The following HS2ST1 variants were observed in gnomAD, a reference collection of about 807,000 sequenced individuals.
HS2ST1 encodes 2-O-sulfotransferase.
Under a neutral mutation model 42.9 loss-of-function variants are expected in HS2ST1, and 18 were observed. That is an observed-to-expected ratio of 0.42 (90% confidence interval 0.29 to 0.62). The LOEUF (loss-of-function observed/expected upper bound fraction) is 0.62, where lower values mean the gene tolerates loss of function less well. Among genes scored for constraint, HS2ST1 ranks in the 20% least tolerant of loss-of-function variants. The pLI, the probability that HS2ST1 is intolerant of heterozygous loss-of-function variation, is 0.21. For synonymous variants in HS2ST1, 146 were observed against 152.9 expected (o/e 0.95, Z 0.33); for missense variants, 334 against 433.8 (o/e 0.77, Z 2.04).
At chr1:87,015,487 C>T (rs1033980525) in intron 1 of HS2ST1, among the ~76,000 whole-genome samples, 1 of 151,680 alleles carries the variant, frequency 6.6e-6, no homozygotes, top group East Asian at 2.0e-4. Context: ...GCTGGGACTA[C>T]AGGTGCCCCA....
At chr1:86,955,324 A>G (rs1012461547) in intron 1 of HS2ST1, among the ~76,000 whole-genome samples, 3 of 152,162 alleles carry the variant, frequency 2.0e-5, no homozygotes, top group Non-Finnish European at 4.4e-5. Flanking sequence ...CAGCATTAGC[A>G]CCTGGCAGTG....
chr1:87,025,734 C>T (rs1422531173), intron 1 of HS2ST1, among the ~76,000 whole-genome samples: 1 of 152,158 alleles, frequency 6.6e-6, no homozygotes, highest in African/African-American at 2.4e-5. Context: ...CTTTTCTCCC[C>T]ACAACCCCCA....
At chr1:87,078,472 G>A (rs1016311327) in intron 2 of HS2ST1, among the ~76,000 whole-genome samples, 3 of 152,118 alleles carry the variant, frequency 2.0e-5, no homozygotes, top group South Asian at 2.1e-4. Flanking sequence ...GGCTAGCTGC[G>A]TTTCATGTAC....
chr1:87,059,598 A>G (rs1185801826), intron 1 of HS2ST1, among the ~76,000 whole-genome samples: 3 of 152,212 alleles, frequency 2.0e-5, no homozygotes, highest in Admixed American at 6.5e-5. Context: ...AAGTGACTGA[A>G]ATGAGTAAAG....
chr1:87,032,993 G>T (rs1650275198), intron 1 of HS2ST1, among the ~76,000 whole-genome samples: 1 of 152,016 alleles, frequency 6.6e-6, no homozygotes, highest in Non-Finnish European at 1.5e-5. Flanking sequence ...TTCATTTAGT[G>T]TGTTGTAAAC....
chr1:86,974,547 T>C (rs1220090313), intron 1 of HS2ST1, among the ~76,000 whole-genome samples: 1 of 152,206 alleles, frequency 6.6e-6, no homozygotes, highest in Non-Finnish European at 1.5e-5. Flanking sequence ...CTCTGATTTA[T>C]AACCAATCCA....
At chr1:86,987,387 T>C (rs1469872702) in intron 1 of HS2ST1, among the ~76,000 whole-genome samples, 1 of 152,144 alleles carries the variant, frequency 6.6e-6, no homozygotes, top group Non-Finnish European at 1.5e-5. Context: ...CTAGGGTTCT[T>C]ATTTGCAGGC....
chr1:86,956,259 G>C (rs1478335667), intron 1 of HS2ST1, among the ~76,000 whole-genome samples: 1 of 152,112 alleles, frequency 6.6e-6, no homozygotes, highest in Non-Finnish European at 1.5e-5. Flanking sequence ...GAAAATTCCA[G>C]ATTAAAAAAA....
chr1:86,914,887 C>A lies in HS2ST1; in HGVS notation c.-150C>A. ...GCCTGGGGGAGGGGGACTGGAGAGG[C>A]GAGAAGGGGGGTCGCTGCGGTGGTT... is the stretch of plus-strand genomic sequence containing the variant. On this transcript the variant is annotated 5_prime_UTR_variant, in exon 1 of 7. Transcript: ENST00000370550. The A allele has an allele frequency of 1.1e-6, 1 of 879,424 alleles. No individual in the cohort carries two copies. The highest frequency in any genetic ancestry group is 1.7e-6 in the Non-Finnish European group (1 of 576,466). The allele number at this position is 879,424 out of a possible 1,614,324, so 54.5% of individuals were successfully genotyped here.
chr1:87,035,876 G>T (rs1333919943), intron 1 of HS2ST1, among the ~76,000 whole-genome samples: 4 of 151,254 alleles, frequency 2.6e-5, no homozygotes, highest in Admixed American at 6.6e-5. Context: ...AAACCTGCAG[G>T]TTTGTTACGT....
At chr1:86,915,235 G>A in intron 1 of HS2ST1, 75 bp downstream of exon 1, 4 of 1,523,012 alleles carry the variant, frequency 2.6e-6, no homozygotes, top group Admixed American at 2.1e-5. Context: ...GCAAGTGGGC[G>A]TTCATCTAAC....
At chr1:86,923,264 A>G (rs1323990835) in intron 1 of HS2ST1, among the ~76,000 whole-genome samples, 1 of 152,196 alleles carries the variant, frequency 6.6e-6, no homozygotes, top group African/African-American at 2.4e-5. Context: ...AGTAACTTAC[A>G]AAAGAAAGAG....
chr1:86,936,116 C>A (rs1251373414), intron 1 of HS2ST1, among the ~76,000 whole-genome samples: 5 of 151,754 alleles, frequency 3.3e-5, no homozygotes, highest in Non-Finnish European at 7.4e-5. Flanking sequence ...TCCTTCCCTG[C>A]CTTCTGAAGA....
intron 2 of HS2ST1, among the ~76,000 whole-genome samples, chr1:87,074,111 GCTGTTTGTA>G (rs1432234315): frequency 3.9e-5 from 6 of 152,318 alleles, no homozygotes; most frequent in African/African-American, 1.4e-4. Context: ...TTGCTAGAGA[GCTGTTTGTA>G]AAGGCTAGTA....
At chr1:86,937,722 T>TTA (rs924969466) in intron 1 of HS2ST1, among the ~76,000 whole-genome samples, 14 of 151,918 alleles carry the variant, frequency 9.2e-5, no homozygotes, top group Non-Finnish European at 1.2e-4. Context: ...TCCTTCTACC[T>TTA]TATATATATA....
chr1:86,960,483 T>A (rs533147369), intron 1 of HS2ST1, among the ~76,000 whole-genome samples: 1 of 152,316 alleles, frequency 6.6e-6, no homozygotes, highest in South Asian at 2.1e-4. Flanking sequence ...AGTTACTGTT[T>A]AGGGACTAAA....
chr1:86,980,715 T>A (rs1047081859), intron 1 of HS2ST1, among the ~76,000 whole-genome samples: 2 of 152,232 alleles, frequency 1.3e-5, no homozygotes, highest in African/African-American at 2.4e-5. Context: ...TATGATTGAA[T>A]GTTAATTTTA....
chr1:87,016,098 A>G (rs1649750386), intron 1 of HS2ST1, among the ~76,000 whole-genome samples: 1 of 152,214 alleles, frequency 6.6e-6, no homozygotes, highest in African/African-American at 2.4e-5. Flanking sequence ...TACAGGTGTG[A>G]GCCGCTGTGC....
At chr1:87,097,761 A>T (rs1430482281) in intron 4 of HS2ST1, 77 bp from the exon 5 acceptor site, 12 of 1,543,352 alleles carry the variant, frequency 7.8e-6, no homozygotes, top group Non-Finnish European at 1.1e-5. Context: ...CATTTATTTA[A>T]TAATTTACCA....
Sources: gnomAD v4.1 joint callset for allele counts (sites outside exome capture counted in the v4.1 genomes callset) on GRCh38, gnomAD v4.1.1 for gene constraint, MANE v1.5 for transcripts, NCBI Gene and HGNC (gene_info 2026-07-23, HGNC 2026-07-21) for gene names.